ALK: variants seen among roughly 807,000 people sequenced by gnomAD.
ALK encodes ALK tyrosine kinase receptor.
ALK carries 74 observed loss-of-function variants against 163.1 expected under a neutral mutation model. That is an observed-to-expected ratio of 0.45 (90% CI 0.38 to 0.55). ALK has a LOEUF of 0.55. Among genes scored for constraint, ALK ranks in the 20% least tolerant of loss-of-function variants. ALK has a pLI of 0.00. For missense variants in ALK, 2,063 were observed against 2,105.3 expected, an observed-to-expected ratio of 0.98 and a Z score of 0.39; for synonymous variants, 960 against 843.2, an observed-to-expected ratio of 1.14 and a Z score of -2.40.
intron 9 of ALK, chr2:29,286,339 A>G (rs1665855672): frequency 6.6e-6 from 1 of 152,196 alleles, no homozygotes; most frequent in South Asian, 2.1e-4. Context: ...ACATTTCTCC[A>G]GTCACTTCTT....
chr2:29,678,153 T>C (rs1328037132), intron 3 of ALK, among the ~76,000 whole-genome samples: 1 of 152,028 alleles, frequency 6.6e-6, no homozygotes, highest in Non-Finnish European at 1.5e-5. Flanking sequence ...TGATGGTCCC[T>C]CATTTATTCC....
intron 25 of ALK, chr2:29,208,052 T>C (rs1669361096): frequency 2.2e-6 from 1 of 451,852 alleles, no homozygotes; most frequent in African/African-American, 2.0e-5. Context: ...TACTCTGCCA[T>C]GTGCTGAGGA....
intron 5 of ALK, among the ~76,000 whole-genome samples, chr2:29,351,974 T>C (rs897001191): frequency 3.3e-5 from 5 of 152,136 alleles, no homozygotes; most frequent in African/African-American, 7.2e-5. Context: ...AAACCAATCC[T>C]ATCATCAGCC....
chr2:29,672,009 G>C (rs1374174107), intron 3 of ALK, among the ~76,000 whole-genome samples: 1 of 149,954 alleles, frequency 6.7e-6, no homozygotes, highest in Non-Finnish European at 1.5e-5. Flanking sequence ...CTCTCCAAAA[G>C]TAATTGGCAA....
chr2:29,802,982 T>C (rs142233772), intron 1 of ALK, among the ~76,000 whole-genome samples: 1,686 of 152,228 alleles, frequency 0.011, 17 homozygotes, highest in Middle Eastern at 0.034. Context: ...CTAAATGGGA[T>C]TTTAAAAAAA....
chr2:29,411,019 T>A (rs1669712601), intron 4 of ALK, among the ~76,000 whole-genome samples: 1 of 152,260 alleles, frequency 6.6e-6, no homozygotes, highest in Admixed American at 6.5e-5. Flanking sequence ...GTTGCTCAGG[T>A]ATACAGAAAT....
At chr2:29,816,700 A>C (rs931648872) in intron 1 of ALK, among the ~76,000 whole-genome samples, 2 of 152,124 alleles carry the variant, frequency 1.3e-5, no homozygotes, top group Non-Finnish European at 2.9e-5. Context: ...GCTCCACACC[A>C]CCTGGCTCTG....
chr2:29,354,811 G>A (rs1668205703), intron 5 of ALK, among the ~76,000 whole-genome samples: 1 of 146,112 alleles, frequency 6.8e-6, no homozygotes, highest in African/African-American at 2.5e-5. Flanking sequence ...CTGTCACCCA[G>A]GCTGGAGTGC....
chr2:29,238,662 G>T (rs1664443810), intron 13 of ALK, among the ~76,000 whole-genome samples: 1 of 152,142 alleles, frequency 6.6e-6, no homozygotes, highest in African/African-American at 2.4e-5. Flanking sequence ...CCACAGCGAA[G>T]ACCAGTCACT....
chr2:29,651,422 G>A (rs1338023618), intron 3 of ALK, among the ~76,000 whole-genome samples: 1 of 152,144 alleles, frequency 6.6e-6, no homozygotes, highest in Non-Finnish European at 1.5e-5. Context: ...CATGTCCAAG[G>A]TCAATGTCTT....
At chr2:29,838,218 T>A (rs1665612348) in intron 1 of ALK, among the ~76,000 whole-genome samples, 1 of 152,010 alleles carries the variant, frequency 6.6e-6, no homozygotes, top group Non-Finnish European at 1.5e-5. Context: ...GCCACAGTGA[T>A]CTATGGAAAA....
At chr2:29,560,816 C>T (rs896949423) in intron 3 of ALK, among the ~76,000 whole-genome samples, 7 of 152,228 alleles carry the variant, frequency 4.6e-5, no homozygotes, top group Middle Eastern at 3.4e-3. Context: ...AAGTGATCCA[C>T]CTAACTTGGC....
chr2:29,848,293 TC>T (rs5830134), intron 1 of ALK, among the ~76,000 whole-genome samples: 71,111 of 151,070 alleles, frequency 0.47, 16,776 homozygotes, highest in Middle Eastern at 0.49. Flanking sequence ...TCCCTTAAAT[TC>T]CCCCAGAACA....
chr2:29,826,261 A>C (rs76325788), intron 1 of ALK, among the ~76,000 whole-genome samples: 1,911 of 151,620 alleles, frequency 0.013, 42 homozygotes, highest in African/African-American at 0.044. Flanking sequence ...CAGAAAAAGA[A>C]AGAGTGTGCC....
At chr2:29,464,592 A>AT (rs74785599) in intron 4 of ALK, among the ~76,000 whole-genome samples, 27,574 of 152,100 alleles carry the variant, frequency 0.18, 2,712 homozygotes, top group East Asian at 0.36. Flanking sequence ...AATTTTTGAG[A>AT]TAAAAAATAT....
chr2:29,647,786 T>C (rs1221741171), intron 3 of ALK, among the ~76,000 whole-genome samples: 4 of 149,072 alleles, frequency 2.7e-5, no homozygotes, highest in African/African-American at 1.0e-4. Flanking sequence ...TTTTTTTTTT[T>C]TTTTTTTTGC....
intron 1 of ALK, 52 bp from the exon 2 acceptor site, chr2:29,717,749 T>C (rs765122908): frequency 6.2e-7 from 1 of 1,613,018 alleles, no homozygotes; most frequent in Non-Finnish European, 8.5e-7. Context: ...GGTGTGTCTT[T>C]TAGCTGTCAC....
At chr2:29,313,420 A>T (rs1347766447) in intron 8 of ALK, among the ~76,000 whole-genome samples, 1 of 152,106 alleles carries the variant, frequency 6.6e-6, no homozygotes, top group African/African-American at 2.4e-5. Flanking sequence ...AGACCCAGTG[A>T]CTACTCCCAG....
intron 2 of ALK, among the ~76,000 whole-genome samples, chr2:29,705,595 G>T (rs1346494348): frequency 1.3e-5 from 2 of 152,050 alleles, no homozygotes. Flanking sequence ...GGGAGTAACT[G>T]CAAGCACAGA....
Sources: allele counts gnomAD v4.1 joint callset (sites outside exome capture counted in the v4.1 genomes callset), GRCh38; gene constraint gnomAD v4.1.1; transcripts MANE v1.5; gene names NCBI Gene and HGNC (gene_info 2026-07-23, HGNC 2026-07-21).